The following ENPP1 variants were observed in gnomAD, a reference collection of about 807,000 sequenced individuals.
The protein encoded by ENPP1 is ectonucleotide pyrophosphatase/phosphodiesterase family member 1.
ENPP1 carries 73 observed loss-of-function variants against 122.8 expected under a neutral mutation model. The ratio of observed to expected loss-of-function variants is 0.59; its 90% CI spans 0.49 to 0.72. The LOEUF is 0.72. Ranked by LOEUF, ENPP1 falls within the 30% of genes least tolerant of loss-of-function variation. The pLI, the probability that ENPP1 is intolerant of heterozygous loss-of-function variation, is 0.00. For missense variants in ENPP1, 978 were observed against 1,128.1 expected, an observed-to-expected ratio of 0.87 and a Z score of 1.91; for synonymous variants, 367 against 391.6, an observed-to-expected ratio of 0.94 and a Z score of 0.74.
At chr6:131,825,341 T>C (rs1037345547) in intron 1 of ENPP1, among the ~76,000 whole-genome samples, 2 of 152,212 alleles carry the variant, frequency 1.3e-5, no homozygotes, top group Admixed American at 1.3e-4. Context: ...ACTTTTTTTA[T>C]TCCTGCTAGA....
At chr6:131,835,276 T>G (rs961804963) in intron 1 of ENPP1, among the ~76,000 whole-genome samples, 1 of 152,160 alleles carries the variant, frequency 6.6e-6, no homozygotes, top group African/African-American at 2.4e-5. Context: ...CCTTTCCTTC[T>G]AAAAAAATTA....
intron 3 of ENPP1, 107 bp from the exon 4 acceptor site, chr6:131,851,035 G>T: frequency 7.8e-7 from 1 of 1,283,806 alleles, no homozygotes; most frequent in African/African-American, 1.5e-5. Context: ...CTGTGAAATT[G>T]TTCATTGTTG....
Position 131,886,638 on chromosome 6 carries a change from A to G in ENPP1, c.2521A>G (p.Thr841Ala), listed in dbSNP as rs373077640. 9 of 1,613,778 alleles carry G rather than the reference A, an allele frequency of 5.6e-6. No individual in the cohort carries two copies. The highest frequency in any genetic ancestry group is 5.9e-6 in the Non-Finnish European group (7 of 1,179,752). The change falls in exon 24 of 25, where the codon ACA becomes GCA. Residue 841 changes from threonine (T) to alanine (A), a missense_variant. Thr to Ala is a moderately conservative substitution (Grantham distance 58, BLOSUM62 0). Around this residue, in one of 3 missense-constraint regions of ENPP1, gnomAD observed 644 missense variants for 781.5 expected, o/e 0.82. Coordinates refer to ENST00000647893, the MANE Select transcript of ENPP1 (RefSeq NM_006208.3). Reference protein sequence around the residue: ...FFIVLTSCKDTSQTPLHCENL... With the variant: ...FFIVLTSCKDASQTPLHCENL... ...TATTGTGCTAACAAGCTGTAAAGAT[A>G]CATCTCAGACGCCTTTGCACTGTGA...
chr6:131,873,089 C>T (rs373986324), intron 15 of ENPP1, 39 bp downstream of exon 15: 27 of 1,610,786 alleles, frequency 1.7e-5, no homozygotes, highest in African/African-American at 6.7e-5. Flanking sequence ...TTAGTCTGAT[C>T]GGTTAGTGAT....
intron 1 of ENPP1, among the ~76,000 whole-genome samples, chr6:131,822,561 T>C (rs949309440): frequency 5.3e-5 from 8 of 152,042 alleles, no homozygotes; most frequent in South Asian, 4.1e-4. Context: ...CCAGGACTTT[T>C]CTATGTGTAC....
At chr6:131,842,484 TA>T (rs1781753782) in intron 1 of ENPP1, among the ~76,000 whole-genome samples, 1 of 152,046 alleles carries the variant, frequency 6.6e-6, no homozygotes, top group African/African-American at 2.4e-5. Flanking sequence ...CACTGCAAAT[TA>T]TTTTTTTTTT....
chr6:131,869,453 T>C lies in ENPP1; in HGVS notation c.1369T>C (p.Leu457=), dbSNP rs1202412833. The C allele has an allele frequency of 6.2e-7, 1 of 1,613,516 alleles. No individual in the cohort carries two copies. The highest frequency in any genetic ancestry group is 8.5e-7 in the Non-Finnish European group (1 of 1,179,514). ...IKVIYGPAAR[L]RPSDVPDKYY... ...AGTTATCTATGGACCTGCAGCTCGA[T>C]TGAGACCCTCTGATGTCCCAGATAA... is the stretch of plus-strand genomic sequence containing the variant. Residue 457 remains leucine, a synonymous_variant, in exon 13 of 25, where the codon TTG becomes CTG. Coordinates refer to ENST00000647893, the MANE Select transcript of ENPP1 (RefSeq NM_006208.3).
In ENPP1 at chr6:131,873,451, A is replaced by C. The variant is rs147482301; in HGVS notation, c.1565+401A>C. Among the ~76,000 whole-genome samples, 322 of 152,274 alleles carry C rather than the reference A, an allele frequency of 2.1e-3. 1 individual carries two copies. The highest frequency in any genetic ancestry group is 7.2e-3 in the African/African-American group (301 of 41,572). ...TTACTTCTTACAATCTACATTTGTT[A>C]CTGCTTGCCATTGCATGTCTCCTGC... On this transcript the variant is annotated intron_variant, in intron 15 of 24. Coordinates refer to ENST00000647893, the MANE Select transcript of ENPP1 (RefSeq NM_006208.3).
intron 3 of ENPP1, 100 bp downstream of exon 3, chr6:131,850,206 AT>A: frequency 2.6e-5 from 23 of 893,646 alleles, no homozygotes; most frequent in Non-Finnish European, 3.8e-5. Context: ...ATTCATTTGA[AT>A]TTTTTTTAGT....
At chr6:131,868,493 G>A (rs778458864) in intron 12 of ENPP1, among the ~76,000 whole-genome samples, 1 of 152,174 alleles carries the variant, frequency 6.6e-6, no homozygotes, top group African/African-American at 2.4e-5. Context: ...AGGCTGGAGT[G>A]CAGTAGCATG....
intron 1 of ENPP1, among the ~76,000 whole-genome samples, chr6:131,815,297 C>T (rs1488997980): frequency 6.6e-6 from 1 of 152,168 alleles, no homozygotes; most frequent in African/African-American, 2.4e-5. Context: ...TTCACTTACA[C>T]CAAGGCCTCT....
At chr6:131,839,507 C>T (rs750601752) in intron 1 of ENPP1, among the ~76,000 whole-genome samples, 3 of 152,060 alleles carry the variant, frequency 2.0e-5, no homozygotes, top group African/African-American at 7.2e-5. Context: ...GCTGAGAACC[C>T]CTAAAATGCC....
chr6:131,884,335 C>T (rs919662879), intron 22 of ENPP1, among the ~76,000 whole-genome samples: 3 of 152,096 alleles, frequency 2.0e-5, no homozygotes, highest in Non-Finnish European at 4.4e-5. Context: ...TGCGATGTTG[C>T]TATGCTTAAT....
chr6:131,811,212 A>AT (rs563830911), intron 1 of ENPP1, among the ~76,000 whole-genome samples: 160 of 151,740 alleles, frequency 1.1e-3, no homozygotes, highest in African/African-American at 3.2e-3. Flanking sequence ...CCTCAAAAGC[A>AT]TTTTTTTTGT....
At position 131,864,606 on chromosome 6, in the gene ENPP1, C is replaced by T. The variant is rs77594562; in HGVS notation, c.1091+35C>T. ...CAATTAATTTCTATTGTAAATACTT[C>T]GTTTTGTAGAAATGATATACTATTT... On this transcript the variant is annotated intron_variant, in intron 10 of 24. Transcript: ENST00000647893. 7,675 of 1,401,592 alleles carry T rather than the reference C, an allele frequency of 5.5e-3. 230 individuals carry two copies. In the African/African-American group the frequency reaches 0.067, roughly 12 times the overall value. 86.8% of individuals were successfully genotyped at this position (1,401,592 alleles called of 1,614,324 possible). A position where few individuals can be genotyped will look rare whatever the true frequency, so the allele number is the denominator to read the frequency against.
intron 5 of ENPP1, among the ~76,000 whole-genome samples, chr6:131,853,606 A>G (rs1208218241): frequency 1.3e-5 from 2 of 152,210 alleles, no homozygotes; most frequent in Non-Finnish European, 2.9e-5. Context: ...GAGCTATGTT[A>G]CAGATAGTAG....
chr6:131,880,389 CCATCT>C (rs1782288247), intron 20 of ENPP1, among the ~76,000 whole-genome samples: 1 of 151,930 alleles, frequency 6.6e-6, no homozygotes. Flanking sequence ...CGGTGAAACT[CCATCT>C]CTACTAAAAA....
intron 24 of ENPP1, among the ~76,000 whole-genome samples, chr6:131,889,907 A>T (rs1585848210): frequency 6.6e-6 from 1 of 152,252 alleles, no homozygotes; most frequent in South Asian, 2.1e-4. Context: ...ACTCCCACCA[A>T]CAGTGTAAAA....
chr6:131,890,558 A>G lies in ENPP1; in HGVS notation c.*47A>G. On this transcript the variant is annotated 3_prime_UTR_variant, in exon 25 of 25. Transcript: ENST00000647893. ...CCATGAATCTTTTTGAGAGAACCTT[A>G]TATTTTATATAGTCCTCTAGCTACA... 4 of 1,440,424 alleles carry G rather than the reference A, an allele frequency of 2.8e-6. No individual in the cohort carries two copies. The highest frequency in any genetic ancestry group is 3.9e-6 in the Non-Finnish European group (4 of 1,022,130). The allele number at this position is 1,440,424 out of a possible 1,614,324, so 89.2% of individuals were successfully genotyped here.
Sources: allele counts gnomAD v4.1 joint callset (sites outside exome capture counted in the v4.1 genomes callset), GRCh38; gene constraint gnomAD v4.1.1; regional missense constraint gnomAD v4.1.1; transcripts MANE v1.5; gene names NCBI Gene and HGNC (gene_info 2026-07-23, HGNC 2026-07-21).